NTM: variants seen among roughly 807,000 people sequenced by gnomAD.
NTM encodes IgLON family member 2.
In NTM, 13 loss-of-function variants were observed where a neutral mutation model predicts 42.1. The observed-to-expected ratio is 0.31, with a 90% CI of 0.20 to 0.49. The LOEUF (loss-of-function observed/expected upper bound fraction) is 0.49, where lower values mean the gene tolerates loss of function less well. NTM is among the 20% of genes least tolerant of loss of function. NTM has a pLI of 0.99. For synonymous variants in NTM, 187 were observed against 179.2 expected (o/e 1.04, Z -0.35); for missense variants, 373 against 452.8 (o/e 0.82, Z 1.60).
At chr11:131,827,086 G>A (rs984414131) in intron 1 of NTM, among the ~76,000 whole-genome samples, 8 of 152,024 alleles carry the variant, frequency 5.3e-5, no homozygotes, top group Non-Finnish European at 1.0e-4. Context: ...CTTTGTACCA[G>A]ACTCTGAATA....
chr11:132,082,184 T>C (rs2059156578), intron 2 of NTM, among the ~76,000 whole-genome samples: 1 of 152,038 alleles, frequency 6.6e-6, no homozygotes, highest in Non-Finnish European at 1.5e-5. Context: ...TGATGCAGAA[T>C]TTTCCCCCCT....
intron 2 of NTM, among the ~76,000 whole-genome samples, chr11:132,139,210 G>C (rs944220804): frequency 6.6e-5 from 10 of 152,136 alleles, no homozygotes; most frequent in Non-Finnish European, 1.5e-4. Context: ...GGGGAAAAAG[G>C]CTCCACTGTC....
intron 2 of NTM, among the ~76,000 whole-genome samples, chr11:132,041,145 C>G (rs984384351): frequency 6.6e-6 from 1 of 152,008 alleles, no homozygotes; most frequent in East Asian, 1.9e-4. Context: ...GTGAAATACA[C>G]GTATCACCTG....
intron 4 of NTM, 77 bp downstream of exon 4, chr11:132,212,224 G>A: frequency 1.7e-6 from 2 of 1,179,336 alleles, no homozygotes; most frequent in Non-Finnish European, 2.5e-6. Flanking sequence ...GGTTATGGGT[G>A]CTGATACCTA....
chr11:131,843,681 A>C (rs73583970), intron 1 of NTM, among the ~76,000 whole-genome samples: 2,725 of 152,378 alleles, frequency 0.018, 77 homozygotes, highest in African/African-American at 0.063. Context: ...TTGCCAGTTT[A>C]AAATCTCACT....
At chr11:131,643,589 T>C (rs944282863) in intron 1 of NTM, among the ~76,000 whole-genome samples, 2 of 152,222 alleles carry the variant, frequency 1.3e-5, no homozygotes, top group Admixed American at 6.5e-5. Flanking sequence ...ACATTTATCC[T>C]GAGATTGCAG....
chr11:131,815,052 G>A (rs2092894319), intron 1 of NTM, among the ~76,000 whole-genome samples: 1 of 152,122 alleles, frequency 6.6e-6, no homozygotes, highest in Non-Finnish European at 1.5e-5. Flanking sequence ...TTTTAAAAAT[G>A]CAAGCATGAT....
At chr11:132,099,287 C>T (rs2061372678) in intron 2 of NTM, among the ~76,000 whole-genome samples, 1 of 152,182 alleles carries the variant, frequency 6.6e-6, no homozygotes, top group Admixed American at 6.5e-5. Flanking sequence ...GAGACTCATA[C>T]ATTATTCCAT....
chr11:131,763,802 T>C (rs1481428239), intron 1 of NTM, among the ~76,000 whole-genome samples: 1 of 150,356 alleles, frequency 6.7e-6, no homozygotes, highest in Non-Finnish European at 1.5e-5. Flanking sequence ...CATGTCCCTG[T>C]AGTTCCAGGA....
chr11:131,416,505 G>T (rs879637866), intron 1 of NTM, among the ~76,000 whole-genome samples: 1 of 152,122 alleles, frequency 6.6e-6, no homozygotes, highest in Non-Finnish European at 1.5e-5. Flanking sequence ...TTCAACATTG[G>T]CTGATGACTT....
chr11:132,204,122 C>T (rs1331830499), intron 3 of NTM, among the ~76,000 whole-genome samples: 2 of 152,140 alleles, frequency 1.3e-5, no homozygotes, highest in Non-Finnish European at 2.9e-5. Flanking sequence ...TAGACCTGGG[C>T]AGTTGGTTGC....
chr11:131,698,575 GA>G (rs1039789556), intron 1 of NTM, among the ~76,000 whole-genome samples: 10 of 150,906 alleles, frequency 6.6e-5, no homozygotes, highest in Admixed American at 3.3e-4. Context: ...TTTCCCATTG[GA>G]AAAAAAAAGT....
chr11:132,097,912 C>T (rs1033464190), intron 2 of NTM, among the ~76,000 whole-genome samples: 1 of 152,144 alleles, frequency 6.6e-6, no homozygotes, highest in Non-Finnish European at 1.5e-5. Flanking sequence ...TCCGTGATGC[C>T]CGTTTTGCAA....
At chr11:131,697,817 T>C (rs1003819035) in intron 1 of NTM, among the ~76,000 whole-genome samples, 2 of 152,228 alleles carry the variant, frequency 1.3e-5, no homozygotes, top group African/African-American at 2.4e-5. Flanking sequence ...TGGTTTGTGA[T>C]TTTTCCTCAT....
intron 3 of NTM, among the ~76,000 whole-genome samples, chr11:132,166,027 T>G (rs2075217690): frequency 6.6e-6 from 1 of 152,154 alleles, no homozygotes; most frequent in Non-Finnish European, 1.5e-5. Context: ...CTCTCAGTGT[T>G]GAAAATTTTC....
intron 1 of NTM, among the ~76,000 whole-genome samples, chr11:131,489,870 AT>A (rs1954589996): frequency 6.6e-6 from 1 of 152,170 alleles, no homozygotes. Context: ...TTCTGTTGCT[AT>A]AAAGGAATAT....
At chr11:132,148,216 T>C (rs1183195615) in intron 3 of NTM, among the ~76,000 whole-genome samples, 2 of 152,248 alleles carry the variant, frequency 1.3e-5, no homozygotes, top group African/African-American at 4.8e-5. Flanking sequence ...TAGAATTGCA[T>C]AGAAGGTATC....
At chr11:131,513,468 G>A (rs1030965184) in intron 1 of NTM, among the ~76,000 whole-genome samples, 3 of 152,142 alleles carry the variant, frequency 2.0e-5, no homozygotes, top group Admixed American at 6.5e-5. Context: ...ACAAGTCAAT[G>A]TCAGCTCCTC....
intron 1 of NTM, among the ~76,000 whole-genome samples, chr11:131,901,972 G>C (rs2053224457): frequency 6.6e-6 from 1 of 152,178 alleles, no homozygotes; most frequent in Non-Finnish European, 1.5e-5. Context: ...TTTCTGGGAG[G>C]TGCTGCCCAT....
Sources: allele counts gnomAD v4.1 joint callset (sites outside exome capture counted in the v4.1 genomes callset), GRCh38; gene constraint gnomAD v4.1.1; transcripts MANE v1.5; gene names NCBI Gene and HGNC (gene_info 2026-07-23, HGNC 2026-07-21).